The following SAMMSON variants were observed in gnomAD, a reference collection of about 807,000 sequenced individuals.
The protein encoded by SAMMSON is long intergenic non-protein coding RNA 1212.
At chr3:70,035,437 C>T (rs542698695) in intron 3 of SAMMSON, among the ~76,000 whole-genome samples, 16 of 152,198 alleles carry the variant, frequency 1.1e-4, no homozygotes, top group African/African-American at 3.1e-4. Context: ...TTTAGTACAC[C>T]GGCAAAGTCC....
At chr3:70,206,879 C>T (rs971236108) in intron 4 of SAMMSON, 5 of 395,574 alleles carry the variant, frequency 1.3e-5, no homozygotes, top group African/African-American at 6.2e-5. Context: ...TCACATTTGA[C>T]TTTCCTAAGA....
At chr3:70,374,923 T>G (rs1165633931) in intron 9 of SAMMSON, among the ~76,000 whole-genome samples, 1 of 152,154 alleles carries the variant, frequency 6.6e-6, no homozygotes, top group Non-Finnish European at 1.5e-5. Flanking sequence ...TGCTGTGGCT[T>G]ATTCATCTTA....
At chr3:70,010,104 A>G (rs989201282) in intron 1 of SAMMSON, among the ~76,000 whole-genome samples, 69 of 152,256 alleles carry the variant, frequency 4.5e-4, no homozygotes, top group African/African-American at 1.5e-3. Flanking sequence ...GCTGAGAAGA[A>G]TGTATATTCT....
chr3:70,061,618 A>G (rs1007849384), intron 3 of SAMMSON, among the ~76,000 whole-genome samples: 1 of 152,016 alleles, frequency 6.6e-6, no homozygotes, highest in Non-Finnish European at 1.5e-5. Context: ...GCCCTGTTAA[A>G]TGTCACCTGG....
At chr3:70,146,074 T>C (rs573440865) in intron 4 of SAMMSON, among the ~76,000 whole-genome samples, 1 of 152,036 alleles carries the variant, frequency 6.6e-6, no homozygotes, top group South Asian at 2.1e-4. Context: ...AGCATACCAA[T>C]TCAGCAAAAT....
chr3:70,109,602 C>A (rs749814047), intron 4 of SAMMSON, among the ~76,000 whole-genome samples: 3 of 152,122 alleles, frequency 2.0e-5, no homozygotes, highest in Admixed American at 6.6e-5. Flanking sequence ...GTATGTGTGT[C>A]CTTTCGGATA....
chr3:70,107,719 A>G (rs1312484151), intron 4 of SAMMSON, among the ~76,000 whole-genome samples: 1 of 152,096 alleles, frequency 6.6e-6, no homozygotes, highest in East Asian at 1.9e-4. Flanking sequence ...TTGTCATACG[A>G]ATTAATAGGA....
At chr3:70,342,927 T>C (rs562442209) in intron 7 of SAMMSON, among the ~76,000 whole-genome samples, 1 of 152,312 alleles carries the variant, frequency 6.6e-6, no homozygotes, top group South Asian at 2.1e-4. Context: ...TCATTCAGCA[T>C]TGGCAAACAT....
intron 4 of SAMMSON, among the ~76,000 whole-genome samples, chr3:70,147,647 C>T (rs1240455318): frequency 1.3e-5 from 2 of 151,986 alleles, no homozygotes; most frequent in Admixed American, 6.6e-5. Flanking sequence ...CTTATATAAA[C>T]ATTAACTCAA....
intron 4 of SAMMSON, among the ~76,000 whole-genome samples, chr3:70,170,741 T>A (rs530148800): frequency 6.6e-6 from 1 of 152,010 alleles, no homozygotes; most frequent in Admixed American, 6.6e-5. Flanking sequence ...TAGATATTAT[T>A]TTCTGTATTC....
intron 3 of SAMMSON, among the ~76,000 whole-genome samples, chr3:70,051,328 T>C (rs17785756): frequency 0.41 from 61,544 of 149,196 alleles, 13,232 homozygotes; most frequent in East Asian, 0.62. Flanking sequence ...TAGTTCAAGA[T>C]GTACATAAGG....
intron 4 of SAMMSON, among the ~76,000 whole-genome samples, chr3:70,192,080 A>G (rs1246500434): frequency 1.3e-5 from 2 of 152,172 alleles, no homozygotes; most frequent in South Asian, 2.1e-4. Context: ...CTAAGAGTGT[A>G]AGGTGAAATT....
At chr3:70,292,218 T>C (rs1395353988) in intron 7 of SAMMSON, among the ~76,000 whole-genome samples, 1 of 152,180 alleles carries the variant, frequency 6.6e-6, no homozygotes, top group Non-Finnish European at 1.5e-5. Flanking sequence ...TAATACCACA[T>C]AGAGTTGTTG....
At chr3:70,283,611 GTT>G (rs1365090079) in intron 6 of SAMMSON, 1 of 151,974 alleles carries the variant, frequency 6.6e-6, no homozygotes, top group African/African-American at 2.4e-5. Context: ...CACCTACCTG[GTT>G]CTTGGGCAGA....
At chr3:70,278,969 G>A (rs1357270) in intron 6 of SAMMSON, among the ~76,000 whole-genome samples, 8,891 of 151,310 alleles carry the variant, frequency 0.059, 330 homozygotes, top group Non-Finnish European at 0.077. Context: ...GGGTGGTCAA[G>A]GAAAACAGTG....
chr3:70,128,430 A>G (rs928899643), intron 4 of SAMMSON, among the ~76,000 whole-genome samples: 1 of 152,238 alleles, frequency 6.6e-6, no homozygotes, highest in East Asian at 1.9e-4. Context: ...GAGATTCCCA[A>G]CAAATATTAG....
intron 4 of SAMMSON, among the ~76,000 whole-genome samples, chr3:70,113,324 T>G (rs2067397318): frequency 6.6e-6 from 1 of 152,224 alleles, no homozygotes; most frequent in South Asian, 2.1e-4. Context: ...GCCATTCATA[T>G]TTTGATCATG....
At chr3:70,304,133 A>C (rs1702377748) in intron 7 of SAMMSON, among the ~76,000 whole-genome samples, 1 of 152,108 alleles carries the variant, frequency 6.6e-6, no homozygotes, top group South Asian at 2.1e-4. Context: ...CTTCCAGCCA[A>C]GCTCTCTACA....
intron 6 of SAMMSON, among the ~76,000 whole-genome samples, chr3:70,278,281 T>G (rs1702047636): frequency 6.6e-6 from 1 of 152,240 alleles, no homozygotes; most frequent in Admixed American, 6.5e-5. Flanking sequence ...AATTGCTTTG[T>G]AGTACTCCAT....
Sources: gnomAD v4.1 joint callset for allele counts (sites outside exome capture counted in the v4.1 genomes callset) on GRCh38, gnomAD v4.1.1 for gene constraint, MANE v1.5 for transcripts, NCBI Gene and HGNC (gene_info 2026-07-23, HGNC 2026-07-21) for gene names.